POLR3B: variants seen among roughly 807,000 people sequenced by gnomAD.
POLR3B encodes the protein RNA polymerase III subunit B.
Under a neutral mutation model 147.4 loss-of-function variants are expected in POLR3B, and 96 were observed. That is an observed-to-expected ratio of 0.65 (90% CI 0.55 to 0.77). The LOEUF (loss-of-function observed/expected upper bound fraction) is 0.77, where lower values mean the gene tolerates loss of function less well. Among genes scored for constraint, POLR3B ranks in the 30% least tolerant of loss-of-function variants. POLR3B has a pLI of 0.00. For missense variants in POLR3B, 1,036 were observed against 1,413.5 expected, an observed-to-expected ratio of 0.73 and a Z score of 4.28; for synonymous variants, 461 against 485.9, an observed-to-expected ratio of 0.95 and a Z score of 0.67.
intron 25 of POLR3B, among the ~76,000 whole-genome samples, chr12:106,499,181 A>G (rs1300372622): frequency 1.3e-5 from 2 of 152,242 alleles, no homozygotes; most frequent in Non-Finnish European, 2.9e-5. Context: ...CATAGTTGTC[A>G]TTGCTAAATT....
intron 9 of POLR3B, among the ~76,000 whole-genome samples, chr12:106,384,311 G>A (rs558761433): frequency 2.6e-5 from 4 of 152,288 alleles, no homozygotes; most frequent in South Asian, 2.1e-4. Flanking sequence ...TTAAATTGTC[G>A]TATTAGTTAT....
intron 9 of POLR3B, among the ~76,000 whole-genome samples, chr12:106,391,767 C>T (rs2036917777): frequency 1.3e-5 from 2 of 152,168 alleles, no homozygotes; most frequent in African/African-American, 2.4e-5. Flanking sequence ...TAGATAGATG[C>T]CCCTGTTGTA....
intron 1 of POLR3B, among the ~76,000 whole-genome samples, chr12:106,358,652 C>T (rs1195334569): frequency 3.3e-5 from 5 of 151,984 alleles, no homozygotes; most frequent in Non-Finnish European, 5.9e-5. Context: ...GGAGACGTGG[C>T]CGGAGAAGAT....
At chr12:106,376,473 G>T (rs2136897323) in intron 7 of POLR3B, 23 bp downstream of exon 7, 1 of 1,503,912 alleles carries the variant, frequency 6.6e-7, no homozygotes, top group Non-Finnish European at 9.2e-7. Flanking sequence ...TCTTGGATTT[G>T]TCCCACTTTC....
At chr12:106,468,803 G>A (rs890140216) in intron 23 of POLR3B, among the ~76,000 whole-genome samples, 6 of 152,212 alleles carry the variant, frequency 3.9e-5, no homozygotes, top group Non-Finnish European at 7.3e-5. Flanking sequence ...TGTGGTCTGA[G>A]AGACAGTTTG....
chr12:106,393,492 TGTGTG>T (rs2036941622), intron 10 of POLR3B, among the ~76,000 whole-genome samples: 2 of 18,100 alleles, frequency 1.1e-4, no homozygotes, highest in South Asian at 6.8e-3. Flanking sequence ...GTACAGGTTT[TGTGTG>T]TGTGTGTGTG....
intron 23 of POLR3B, among the ~76,000 whole-genome samples, chr12:106,469,093 T>C (rs920773581): frequency 3.9e-5 from 6 of 152,150 alleles, no homozygotes; most frequent in African/African-American, 1.4e-4. Flanking sequence ...TTTGTAGGTC[T>C]CTAAGAACTT....
At chr12:106,441,996 C>T (rs2037657653) in intron 18 of POLR3B, among the ~76,000 whole-genome samples, 1 of 151,782 alleles carries the variant, frequency 6.6e-6, no homozygotes, top group Non-Finnish European at 1.5e-5. Context: ...GGGAGAATCA[C>T]TTGAACCCGG....
chr12:106,405,833 A>G (rs139929605), intron 10 of POLR3B, 24 bp from the exon 11 acceptor site: 1 of 1,610,402 alleles, frequency 6.2e-7, no homozygotes, highest in African/African-American at 1.3e-5. Context: ...TCATTCAAAC[A>G]TTATTGTAAT....
In POLR3B at chr12:106,485,733, A is replaced by G. The variant is rs1364999886; in HGVS notation, c.2714-10322A>G. Reference sequence around the variant, plus strand: ...AAAGAATAGTTTTTTGGCATTAGACAAGGGCAGAGGTTGAGAGTTTGGGCC... The same window carrying G: ...AAAGAATAGTTTTTTGGCATTAGACGAGGGCAGAGGTTGAGAGTTTGGGCC... On this transcript the variant is annotated intron_variant, in intron 23 of 27. Coordinates refer to ENST00000228347, the MANE Select transcript of POLR3B (RefSeq NM_018082.6). 9.8e-5 allele frequency among the ~76,000 whole-genome samples: 15 copies of G among 152,296 alleles called. 1 individual carries two copies. The highest frequency in any genetic ancestry group is 2.9e-5 in the Non-Finnish European group (2 of 68,018).
intron 9 of POLR3B, among the ~76,000 whole-genome samples, chr12:106,392,185 G>A (rs1270264325): frequency 6.6e-6 from 1 of 151,864 alleles, no homozygotes; most frequent in South Asian, 2.1e-4. Flanking sequence ...TTCCCGAGAC[G>A]GAGTTTTGCT....
At chr12:106,496,940 T>A (rs1213777735) in intron 25 of POLR3B, 22 bp downstream of exon 25, 1 of 1,610,726 alleles carries the variant, frequency 6.2e-7, no homozygotes, top group Non-Finnish European at 8.5e-7. Flanking sequence ...ATTGAGCTAT[T>A]TTAAAGAAAA....
intron 13 of POLR3B, 140 bp downstream of exon 13, chr12:106,427,498 T>C (rs1055874176): frequency 3.8e-6 from 3 of 796,360 alleles, no homozygotes; most frequent in Admixed American, 2.4e-5. Context: ...ATTTCTACTT[T>C]GAAAGAAAGT....
In POLR3B at chr12:106,494,576, G is replaced by T. The variant is rs972611805; in HGVS notation, c.2714-1479G>T. 2.4e-4 allele frequency among the ~76,000 whole-genome samples: 37 copies of T among 152,152 alleles called. 1 individual carries two copies. Among genetic ancestry groups the T allele is most frequent in the Non-Finnish European group, 7.3e-5 (5 of 68,038 alleles). On this transcript the variant is annotated intron_variant, in intron 23 of 27. Coordinates refer to ENST00000228347, the MANE Select transcript of POLR3B (RefSeq NM_018082.6). Reference sequence around the variant, plus strand: ...GTCGGTGCACCTAGATTTACAATTTGATCTCTTTCAAAGTAGATTTCCCAG... The same window carrying T: ...GTCGGTGCACCTAGATTTACAATTTTATCTCTTTCAAAGTAGATTTCCCAG...
chr12:106,358,244 C>G, intron 1 of POLR3B: 1 of 1,365,114 alleles, frequency 7.3e-7, no homozygotes, highest in Non-Finnish European at 9.5e-7. Flanking sequence ...GAGGACTGAC[C>G]CTCGCACTTA....
At chr12:106,398,444 G>A (rs1181922901) in intron 10 of POLR3B, among the ~76,000 whole-genome samples, 5 of 152,366 alleles carry the variant, frequency 3.3e-5, no homozygotes, top group Admixed American at 6.5e-5. Flanking sequence ...AGTAACCTCT[G>A]CAGACTTAAA....
At chr12:106,383,989 AG>A (rs1247986466) in intron 9 of POLR3B, among the ~76,000 whole-genome samples, 25 of 150,338 alleles carry the variant, frequency 1.7e-4, no homozygotes, top group African/African-American at 5.2e-4. Context: ...AAAAAAAAAA[AG>A]AGAGAGAAAA....
chr12:106,458,586 T>C (rs1178964965), intron 21 of POLR3B, among the ~76,000 whole-genome samples: 1 of 152,094 alleles, frequency 6.6e-6, no homozygotes, highest in Non-Finnish European at 1.5e-5. Flanking sequence ...AGGAGGGAAA[T>C]CCACATGACT....
chr12:106,471,026 G>A (rs1565906674), intron 23 of POLR3B, among the ~76,000 whole-genome samples: 1 of 152,196 alleles, frequency 6.6e-6, no homozygotes, highest in African/African-American at 2.4e-5. Flanking sequence ...GTCTGGAGAA[G>A]CTCTCTGCTG....
Sources: gnomAD v4.1 joint callset for allele counts (sites outside exome capture counted in the v4.1 genomes callset) on GRCh38, gnomAD v4.1.1 for gene constraint, MANE v1.5 for transcripts, NCBI Gene and HGNC (gene_info 2026-07-23, HGNC 2026-07-21) for gene names.